Variants in EPB41L4B observed in about 807,000 individuals in gnomAD.
The protein encoded by EPB41L4B is erythrocyte membrane protein band 4.1 like 4B, also known as band 4.1-like protein 4B.
A neutral mutation model predicts 112.5 loss-of-function variants in EPB41L4B; 30 were observed. The ratio of observed to expected loss-of-function variants is 0.27; its 90% CI spans 0.20 to 0.36. EPB41L4B has a LOEUF of 0.36. EPB41L4B is among the 10% of genes least tolerant of loss of function. EPB41L4B has a pLI of 1.00. For missense variants in EPB41L4B, 1,024 were observed against 1,133.3 expected (o/e 0.90, Z 1.38); for synonymous variants, 408 against 439.7 (o/e 0.93, Z 0.90).
rs1834958979 is a variant in EPB41L4B at position 109,255,778 on chromosome 9, T to C, written c.995A>G (p.Asp332Gly). 1.2e-6 allele frequency: 2 copies of C among 1,613,848 alleles called. No homozygotes were observed. The highest frequency in any genetic ancestry group is 1.7e-6 in the Non-Finnish European group (2 of 1,179,926). Residue 332 changes from aspartate to glycine, a missense_variant, in exon 10 of 26, where the codon GAT becomes GGT. Transcript: ENST00000374566. The part of the protein sequence containing the change: ...KLTLVVVEDD[D>G]QGREQEHTFV... The stretch of plus-strand genomic sequence containing the variant: ...AGAAATGGGAGCCAGGCCTACCTGA[T>C]CATCATCCTCGACCACCACGAGTGT...
intron 2 of EPB41L4B, among the ~76,000 whole-genome samples, chr9:109,270,729 G>A (rs1420751387): frequency 6.6e-6 from 1 of 152,192 alleles, no homozygotes; most frequent in African/African-American, 2.4e-5. Context: ...ACCATGTTGA[G>A]TAGAACAAGT....
At chr9:109,282,058 G>A (rs556136753) in intron 1 of EPB41L4B, among the ~76,000 whole-genome samples, 101 of 152,298 alleles carry the variant, frequency 6.6e-4, no homozygotes, top group Non-Finnish European at 8.1e-4. Context: ...TCATTTGGCC[G>A]TAAAAAAGAA....
At chr9:109,240,403 A>G in intron 15 of EPB41L4B, 1 of 985,462 alleles carries the variant, frequency 1.0e-6, no homozygotes, top group Non-Finnish European at 1.2e-6. Flanking sequence ...AAAAAAGATC[A>G]GATTTTAGTA....
intron 15 of EPB41L4B, among the ~76,000 whole-genome samples, chr9:109,238,405 G>T (rs577392318): frequency 1.8e-4 from 28 of 152,320 alleles, no homozygotes; most frequent in Middle Eastern, 6.8e-3. Flanking sequence ...ACTGGATAAG[G>T]TTGTTCAGAT....
rs531820768 is a variant in EPB41L4B at position 109,176,751 on chromosome 9, A to T, written c.2488-55T>A. The T allele has an allele frequency of 8.3e-5, 132 of 1,597,962 alleles. 1 individual carries two copies. The East Asian group carries it at 2.1e-3, about 25-fold the overall frequency. On this transcript the variant is annotated intron_variant, in intron 24 of 25. Coordinates refer to ENST00000374566, the MANE Select transcript of EPB41L4B (RefSeq NM_019114.5). The stretch of plus-strand genomic sequence containing the variant: ...ATCTCAATTTGGGTTCCATTTTCAC[A>T]CTGTCAGTTGCTCCCTAAGCCTTAC...
In EPB41L4B at chr9:109,200,322, A is replaced by G. The variant is rs747081931; in HGVS notation, c.1959T>C (p.Pro653=). 5 of 1,613,966 alleles carry G rather than the reference A, an allele frequency of 3.1e-6. No homozygotes were observed. The African/African-American group carries it at 5.3e-5, about 17-fold the overall frequency. The change falls in exon 20 of 26, where the codon CCT becomes CCC. Residue 653 remains proline (P), a synonymous_variant. Transcript: ENST00000374566. The part of the protein sequence containing the change: ...LQDASVRSPI[P]IRVETAQPAV... ...CTGGCTGGGCAGTTTCCACACGAAT[A>G]GGAATAGGACTTCTAGAGACACACC...
rs946686887 is a variant in EPB41L4B at position 109,312,888 on chromosome 9, A to G, written c.306+7253T>C. Among the ~76,000 whole-genome samples the G allele has an allele frequency of 1.4e-4, 21 of 151,948 alleles. 1 individual carries two copies. Among genetic ancestry groups the G allele is most frequent in the African/African-American group, 4.6e-4 (19 of 41,324 alleles). ...TCCACCTGCTGTTCCCTCCACCCAGACACAGCTGAACTCCTACACATCCTT... is the reference window on the plus strand; with the variant it reads ...TCCACCTGCTGTTCCCTCCACCCAGGCACAGCTGAACTCCTACACATCCTT... On this transcript the variant is annotated intron_variant, in intron 1 of 25. Transcript: ENST00000374566.
chr9:109,247,706 T>C (rs778461233), intron 14 of EPB41L4B, 50 bp downstream of exon 14: 11 of 1,277,134 alleles, frequency 8.6e-6, no homozygotes, highest in Non-Finnish European at 1.0e-5. Flanking sequence ...TTAAATTTTA[T>C]TTTTAAAATT....
intron 13 of EPB41L4B, 85 bp from the exon 14 acceptor site, chr9:109,247,874 T>A (rs1012978839): frequency 8.9e-7 from 1 of 1,121,222 alleles, no homozygotes; most frequent in Admixed American, 2.9e-5. Flanking sequence ...TTAACAATCA[T>A]GAACTATTCC....
chr9:109,306,607 AAAACAAACAAACAAAC>A (rs139011604), intron 1 of EPB41L4B, among the ~76,000 whole-genome samples: 5 of 149,890 alleles, frequency 3.3e-5, no homozygotes, highest in African/African-American at 9.8e-5. Context: ...AGCGAGCAAA[AAAACAAACAAACAAAC>A]AAACAAACAA....
At chr9:109,242,137 C>T (rs1429011826) in intron 15 of EPB41L4B, among the ~76,000 whole-genome samples, 1 of 152,194 alleles carries the variant, frequency 6.6e-6, no homozygotes, top group African/African-American at 2.4e-5. Flanking sequence ...GGAGGCATGC[C>T]AGCATGCACC....
chr9:109,310,728 G>C (rs1261529379), intron 1 of EPB41L4B, among the ~76,000 whole-genome samples: 1 of 152,184 alleles, frequency 6.6e-6, no homozygotes, highest in Non-Finnish European at 1.5e-5. Flanking sequence ...CCAAGTCTCT[G>C]GTGGCAGTGC....
At chr9:109,316,622 T>C (rs1035662715) in intron 1 of EPB41L4B, among the ~76,000 whole-genome samples, 1 of 152,188 alleles carries the variant, frequency 6.6e-6, no homozygotes, top group Non-Finnish European at 1.5e-5. Flanking sequence ...GGCCAGGGTT[T>C]CTGAAGAGGA....
At chr9:109,248,194 C>T (rs556051098) in intron 13 of EPB41L4B, among the ~76,000 whole-genome samples, 27 of 152,332 alleles carry the variant, frequency 1.8e-4, no homozygotes, top group Admixed American at 6.5e-4. Context: ...AGAGCCTCTT[C>T]CCACGGCAGG....
intron 16 of EPB41L4B, among the ~76,000 whole-genome samples, chr9:109,216,144 C>T (rs77681028): frequency 0.011 from 1,742 of 152,328 alleles, 37 homozygotes; most frequent in African/African-American, 0.04. Context: ...CATCACTCCC[C>T]TCCCCTCTTT....
chr9:109,295,118 T>C (rs1482056140), intron 1 of EPB41L4B, among the ~76,000 whole-genome samples: 1 of 152,210 alleles, frequency 6.6e-6, no homozygotes. Flanking sequence ...CACCCACCTA[T>C]GGACGTTGAG....
At chr9:109,286,494 G>A (rs373904478) in intron 1 of EPB41L4B, among the ~76,000 whole-genome samples, 32 of 152,272 alleles carry the variant, frequency 2.1e-4, no homozygotes, top group East Asian at 1.2e-3. Flanking sequence ...TATGCGACGC[G>A]TTGTCTAGTG....
chr9:109,252,280 A>AT (rs1026736445), intron 12 of EPB41L4B, among the ~76,000 whole-genome samples: 5 of 152,162 alleles, frequency 3.3e-5, no homozygotes, highest in Admixed American at 3.3e-4. Flanking sequence ...ACACTGAGCT[A>AT]TTTCTGGACA....
chr9:109,204,218 C>T (rs1832922952), intron 18 of EPB41L4B, among the ~76,000 whole-genome samples: 1 of 152,204 alleles, frequency 6.6e-6, no homozygotes, highest in Non-Finnish European at 1.5e-5. Context: ...GTCCTCCTCC[C>T]TCTGATGAGT....
Sources: allele counts gnomAD v4.1 joint callset (sites outside exome capture counted in the v4.1 genomes callset), GRCh38; gene constraint gnomAD v4.1.1; transcripts MANE v1.5; gene names NCBI Gene and HGNC (gene_info 2026-07-23, HGNC 2026-07-21).